The following SYNPR variants were observed in gnomAD, a reference collection of about 807,000 sequenced individuals.
SYNPR encodes synaptoporin.
In SYNPR, 23 loss-of-function variants were observed where a neutral mutation model predicts 32.9. That is an observed-to-expected ratio of 0.70 (90% CI 0.50 to 0.99). The LOEUF (loss-of-function observed/expected upper bound fraction) is 0.99, where lower values mean the gene tolerates loss of function less well. Among genes scored for constraint, SYNPR ranks in the 50% least tolerant of loss-of-function variants. SYNPR has a pLI of 0.00. For missense variants in SYNPR, 318 were observed against 349.3 expected (o/e 0.91, Z 0.71); for synonymous variants, 146 against 135.9 (o/e 1.07, Z -0.52).
chr3:63,388,548 C>G (rs905697965), intron 2 of SYNPR, among the ~76,000 whole-genome samples: 4 of 102,216 alleles, frequency 3.9e-5, no homozygotes, highest in Non-Finnish European at 8.1e-5. Flanking sequence ...CCACCACACC[C>G]GGCTAATTTG....
upstream of SYNPR, among the ~76,000 whole-genome samples, chr3:63,275,078 C>A (rs2106912061): frequency 6.6e-6 from 1 of 152,284 alleles, no homozygotes; most frequent in Non-Finnish European, 1.5e-5. Flanking sequence ...TTATGCCCCA[C>A]CAAAGTTAAC....
chr3:63,372,952 C>A (rs2087839637), intron 2 of SYNPR, among the ~76,000 whole-genome samples: 1 of 152,112 alleles, frequency 6.6e-6, no homozygotes, highest in Non-Finnish European at 1.5e-5. Context: ...GGATCACAGC[C>A]CAAACTTCAA....
At chr3:63,478,675 G>T (rs1700981088) in intron 2 of SYNPR, among the ~76,000 whole-genome samples, 1 of 152,184 alleles carries the variant, frequency 6.6e-6, no homozygotes, top group Non-Finnish European at 1.5e-5. Flanking sequence ...GAAGAGGGTA[G>T]CATGTAAATA....
At chr3:63,433,670 G>T (rs1700030866) in intron 2 of SYNPR, among the ~76,000 whole-genome samples, 4 of 152,132 alleles carry the variant, frequency 2.6e-5, no homozygotes, top group African/African-American at 9.7e-5. Flanking sequence ...GGATACCAGG[G>T]CTGCAGCGCC....
intron 3 of SYNPR, among the ~76,000 whole-genome samples, chr3:63,481,171 TC>T (rs1223716983): frequency 3.6e-5 from 5 of 139,598 alleles, no homozygotes; most frequent in Non-Finnish European, 6.3e-5. Context: ...GAACTGACTC[TC>T]CTCAAAAAAA....
At chr3:63,306,635 A>G (rs577999622) in intron 2 of SYNPR, among the ~76,000 whole-genome samples, 14 of 152,202 alleles carry the variant, frequency 9.2e-5, no homozygotes, top group South Asian at 4.1e-4. Flanking sequence ...AGAGAACTCA[A>G]TATGCTTAAT....
At chr3:63,323,625 G>T (rs2087134757) in intron 2 of SYNPR, among the ~76,000 whole-genome samples, 1 of 152,012 alleles carries the variant, frequency 6.6e-6, no homozygotes, top group African/African-American at 2.4e-5. Context: ...TTTGATCAGA[G>T]TTCAAAGACT....
intron 2 of SYNPR, among the ~76,000 whole-genome samples, chr3:63,439,567 G>C (rs1324587530): frequency 6.6e-6 from 1 of 152,136 alleles, no homozygotes; most frequent in African/African-American, 2.4e-5. Context: ...ATCAGCTACT[G>C]TATGTGGGCC....
intron 3 of SYNPR, among the ~76,000 whole-genome samples, chr3:63,503,407 A>G (rs1051329302): frequency 2.0e-5 from 3 of 152,060 alleles, no homozygotes; most frequent in African/African-American, 7.2e-5. Context: ...TGTCTTCTTC[A>G]TTCTCTTTAT....
At chr3:63,270,716 G>A (rs1195944115) in intron 3 of SYNPR, among the ~76,000 whole-genome samples, 1 of 152,188 alleles carries the variant, frequency 6.6e-6, no homozygotes, top group African/African-American at 2.4e-5. Flanking sequence ...TTTATAAGAT[G>A]TGGATAATAA....
At position 63,278,660 on chromosome 3, in the gene SYNPR, G is replaced by T; in HGVS notation, c.19-17G>T. Reference sequence around the variant, plus strand: ...CCTCACGCTTTGCTTTCTCTCTCTCGCCTCATTCCCCCAAAGCTGGCCTCT... The same window carrying T: ...CCTCACGCTTTGCTTTCTCTCTCTCTCCTCATTCCCCCAAAGCTGGCCTCT... On this transcript the variant is annotated splice_polypyrimidine_tract_variant and intron_variant, in intron 1 of 5. Transcript: ENST00000478300. The T allele has an allele frequency of 1.3e-6, 2 of 1,551,576 alleles. No homozygotes were observed. The highest frequency in any genetic ancestry group is 2.4e-5 in the East Asian group (1 of 40,896).
intron 4 of SYNPR, among the ~76,000 whole-genome samples, chr3:63,600,326 G>A (rs1349931159): frequency 1.3e-5 from 2 of 152,170 alleles, no homozygotes; most frequent in Non-Finnish European, 2.9e-5. Context: ...CATGCTCTGT[G>A]CCAGGAGGGG....
Position 63,579,788 on chromosome 3 carries a change from AACACACACACACACAC to A in SYNPR, c.408+23068_408+23083del, listed in dbSNP as rs59802344. ...AGGTTGGTTCCTCATATTTAACTAA[AACACACACACACACAC>A]ACACACACACACACACACACGCACA... On this transcript the variant is annotated intron_variant, in intron 4 of 5. Coordinates refer to ENST00000478300, the MANE Select transcript of SYNPR (RefSeq NM_001130003.2). 1.6e-4 allele frequency among the ~76,000 whole-genome samples: 24 copies of A among 146,184 alleles called. No individual in the cohort carries two copies. The East Asian group carries it at 4.5e-3, about 27-fold the overall frequency.
At chr3:63,323,882 G>A (rs2087137344) in intron 2 of SYNPR, among the ~76,000 whole-genome samples, 1 of 151,980 alleles carries the variant, frequency 6.6e-6, no homozygotes, top group Admixed American at 6.6e-5. Flanking sequence ...CCATGAGGCA[G>A]TTATTATTAT....
At chr3:63,466,228 C>CCTCTCTCT (rs60415902) in intron 2 of SYNPR, among the ~76,000 whole-genome samples, 2 of 148,164 alleles carry the variant, frequency 1.3e-5, no homozygotes, top group Admixed American at 6.8e-5. Flanking sequence ...TCTAGACGTT[C>CCTCTCTCT]CTCTCTCTCT....
At chr3:63,366,781 C>G (rs1575612105) in intron 2 of SYNPR, among the ~76,000 whole-genome samples, 1 of 152,260 alleles carries the variant, frequency 6.6e-6, no homozygotes, top group South Asian at 2.1e-4. Flanking sequence ...CACATTCATT[C>G]TTTATAACAC....
chr3:63,490,328 G>T lies in SYNPR; in HGVS notation c.209+9372G>T, dbSNP rs1479782249. On this transcript the variant is annotated intron_variant, in intron 3 of 5. Transcript: ENST00000478300. ...GGAGGCAGAGGCTGGATCCTGTAGG[G>T]TGCTGTGGGTTCATAGGAGGAAACT... Among the ~76,000 whole-genome samples, 9 of 152,234 alleles carry T rather than the reference G, an allele frequency of 5.9e-5. No homozygotes were observed. In the East Asian group the frequency reaches 1.5e-3, roughly 26 times the overall value.
chr3:63,453,404 A>G (rs909560328), intron 2 of SYNPR, among the ~76,000 whole-genome samples: 1 of 152,164 alleles, frequency 6.6e-6, no homozygotes, highest in Non-Finnish European at 1.5e-5. Flanking sequence ...CATGAAAATC[A>G]TCTGGGGAGT....
At chr3:63,244,436 C>G (rs2086270451) in intron 1 of SYNPR, among the ~76,000 whole-genome samples, 1 of 152,044 alleles carries the variant, frequency 6.6e-6, no homozygotes, top group Non-Finnish European at 1.5e-5. Context: ...GATGACAACT[C>G]ACTGCAATCT....
Sources: gnomAD v4.1 joint callset for allele counts (sites outside exome capture counted in the v4.1 genomes callset) on GRCh38, gnomAD v4.1.1 for gene constraint, MANE v1.5 for transcripts, NCBI Gene and HGNC (gene_info 2026-07-23, HGNC 2026-07-21) for gene names.